NMBR: variants seen among roughly 807,000 people sequenced by gnomAD.
NMBR encodes the protein neuromedin B receptor.
A neutral mutation model predicts 20.5 loss-of-function variants in NMBR; 16 were observed. That is an observed-to-expected ratio of 0.78 (90% CI 0.53 to 1.19). The LOEUF (loss-of-function observed/expected upper bound fraction) is 1.19. NMBR is among the 50% of genes most tolerant of loss of function. The pLI, the probability that NMBR is intolerant of heterozygous loss-of-function variation, is 0.00. For synonymous variants in NMBR, 212 were observed against 196.6 expected (o/e 1.08, Z -0.65); for missense variants, 582 against 499.1 (o/e 1.17, Z -1.58).
chr6:142,134,692 G>C (rs188423920), intron 1 of NMBR: 1 of 695,590 alleles, frequency 1.4e-6, no homozygotes, highest in Non-Finnish European at 2.6e-6. Context: ...AGCGGCAATA[G>C]CATTCTGGCT....
At chr6:142,089,624 G>A (rs763707982) in intron 1 of NMBR, among the ~76,000 whole-genome samples, 2 of 152,080 alleles carry the variant, frequency 1.3e-5, no homozygotes, top group African/African-American at 4.8e-5. Context: ...ATTGAGCATC[G>A]TATAAATGGA....
intron 2 of NMBR, among the ~76,000 whole-genome samples, chr6:142,087,367 T>C (rs1434816347): frequency 6.6e-6 from 1 of 152,196 alleles, no homozygotes; most frequent in Non-Finnish European, 1.5e-5. Context: ...CACAGCTCCA[T>C]GAAAAGGTAC....
intron 1 of NMBR, among the ~76,000 whole-genome samples, chr6:142,105,073 G>A (rs1777635069): frequency 6.6e-6 from 1 of 151,908 alleles, no homozygotes; most frequent in African/African-American, 2.4e-5. Context: ...TCTCAAGGGT[G>A]GAGGGTGTAC....
rs1002887186 is a variant in NMBR at position 142,075,287 on chromosome 6, T to C, written c.*361A>G. On this transcript the variant is annotated 3_prime_UTR_variant, in exon 4 of 4. Coordinates refer to ENST00000258042, the MANE Select transcript of NMBR (RefSeq NM_002511.4). Reference sequence around the variant, plus strand: ...AAACCTAAGACAAATATGCTAGAACTGGCTTTAGCAACAGCCTAAATACTA... The same window carrying C: ...AAACCTAAGACAAATATGCTAGAACCGGCTTTAGCAACAGCCTAAATACTA... Among the ~76,000 whole-genome samples, 1 of 152,128 alleles carries C rather than the reference T, an allele frequency of 6.6e-6. No homozygotes were observed. Among genetic ancestry groups the C allele is most frequent in the African/African-American group, 2.4e-5 (1 of 41,436 alleles).
At chr6:142,115,977 T>C (rs927327222) in intron 1 of NMBR, among the ~76,000 whole-genome samples, 1 of 151,806 alleles carries the variant, frequency 6.6e-6, no homozygotes, top group Non-Finnish European at 1.5e-5. Flanking sequence ...TGAGGGTGGG[T>C]CTTTCCTGCA....
intron 2 of NMBR, among the ~76,000 whole-genome samples, chr6:142,080,213 A>G (rs1246056133): frequency 6.6e-6 from 1 of 150,534 alleles, no homozygotes; most frequent in East Asian, 1.9e-4. Context: ...AATTTCTGCT[A>G]TCATCTTTTG....
At chr6:142,137,959 G>A (rs1198767890) in intron 1 of NMBR, among the ~76,000 whole-genome samples, 6 of 151,504 alleles carry the variant, frequency 4.0e-5, no homozygotes, top group Non-Finnish European at 7.4e-5. Flanking sequence ...TTGCGCATGG[G>A]ATCCTTGTTT....
At chr6:142,134,702 T>C (rs931654053) in intron 1 of NMBR, 3 of 694,688 alleles carry the variant, frequency 4.3e-6, no homozygotes, top group African/African-American at 1.8e-5. Flanking sequence ...GCATTCTGGC[T>C]TCAGATTTAC....
intron 1 of NMBR, among the ~76,000 whole-genome samples, chr6:142,101,373 A>G (rs189456990): frequency 5.8e-4 from 89 of 152,316 alleles, no homozygotes; most frequent in Middle Eastern, 3.4e-3. Flanking sequence ...CATCCTCTGA[A>G]AATTGATCAT....
chr6:142,080,767 A>T (rs1049126987), intron 2 of NMBR, among the ~76,000 whole-genome samples: 2 of 152,056 alleles, frequency 1.3e-5, no homozygotes, highest in African/African-American at 4.8e-5. Context: ...GTTGACTGTA[A>T]TTTTTTTTCT....
chr6:142,095,784 G>A (rs1777437857), intron 1 of NMBR, among the ~76,000 whole-genome samples: 2 of 152,064 alleles, frequency 1.3e-5, no homozygotes, highest in South Asian at 4.2e-4. Flanking sequence ...TCTGGTCCTG[G>A]ACTTTTTTTG....
At chr6:142,093,641 G>A (rs1240979566) in intron 1 of NMBR, among the ~76,000 whole-genome samples, 4 of 152,126 alleles carry the variant, frequency 2.6e-5, no homozygotes, top group Admixed American at 2.0e-4. Context: ...ATAGCAGCAT[G>A]ATTTATAATC....
chr6:142,136,513 G>A (rs1157163277), intron 1 of NMBR, among the ~76,000 whole-genome samples: 4 of 152,114 alleles, frequency 2.6e-5, no homozygotes, highest in East Asian at 1.9e-4. Flanking sequence ...GATCCCATTT[G>A]TCAATTTTGG....
chr6:142,137,420 A>T (rs1320058414), intron 1 of NMBR, among the ~76,000 whole-genome samples: 2 of 152,164 alleles, frequency 1.3e-5, no homozygotes, highest in Non-Finnish European at 2.9e-5. Context: ...TTTTCTAGAT[A>T]TACAGTCATG....
At chr6:142,129,076 A>G (rs1223266944) in intron 1 of NMBR, among the ~76,000 whole-genome samples, 4 of 151,130 alleles carry the variant, frequency 2.6e-5, no homozygotes, top group Non-Finnish European at 5.9e-5. Context: ...ATTTATTTTG[A>G]TCCTATTTTG....
In NMBR at chr6:142,147,105, T is replaced by G; in HGVS notation, c.-725A>C. The G allele has an allele frequency of 4.9e-6, 3 of 617,858 alleles. No individual in the cohort carries two copies. The highest frequency in any genetic ancestry group is 2.0e-5 in the South Asian group (1 of 50,598). The allele number at this position is 617,858 out of a possible 1,614,324, so 38.3% of individuals were successfully genotyped here. On this transcript the variant is annotated 5_prime_UTR_variant, in exon 1 of 4. Coordinates refer to ENST00000258042, the MANE Select transcript of NMBR (RefSeq NM_002511.4). ...CCAAAATGCTCGGGTCTTCTGTGGGTTCTAACCGCCGAGAGCCAAGCACCC... is the reference window on the plus strand; with the variant it reads ...CCAAAATGCTCGGGTCTTCTGTGGGGTCTAACCGCCGAGAGCCAAGCACCC...
intron 1 of NMBR, among the ~76,000 whole-genome samples, chr6:142,103,711 C>A (rs1364221453): frequency 6.6e-6 from 1 of 152,110 alleles, no homozygotes; most frequent in Non-Finnish European, 1.5e-5. Flanking sequence ...ATTTGACTTG[C>A]ACCATGGAGT....
intron 1 of NMBR, among the ~76,000 whole-genome samples, chr6:142,127,159 AT>A (rs1406910827): frequency 1.3e-5 from 2 of 151,766 alleles, no homozygotes; most frequent in East Asian, 1.9e-4. Flanking sequence ...TTTGGAGTTG[AT>A]TTTTTTATAG....
chr6:142,089,719 A>AT (rs1253531533), intron 1 of NMBR, among the ~76,000 whole-genome samples: 1 of 152,134 alleles, frequency 6.6e-6, no homozygotes, highest in African/African-American at 2.4e-5. Context: ...CTCAGGTGGC[A>AT]TTTTTCATTA....
Sources: allele counts gnomAD v4.1 joint callset (sites outside exome capture counted in the v4.1 genomes callset), GRCh38; gene constraint gnomAD v4.1.1; transcripts MANE v1.5; gene names NCBI Gene and HGNC (gene_info 2026-07-23, HGNC 2026-07-21).